CCDC171: variants seen among roughly 807,000 people sequenced by gnomAD.
CCDC171 encodes the protein coiled-coil domain containing 171.
CCDC171 carries 177 observed loss-of-function variants against 168.2 expected under a neutral mutation model. That is an observed-to-expected ratio of 1.05 (90% CI 0.93 to 1.19). The LOEUF (loss-of-function observed/expected upper bound fraction) is 1.19. Among genes scored for constraint, CCDC171 ranks in the 50% most tolerant of loss-of-function variants. The pLI is 0.00. For missense variants in CCDC171, 1,991 were observed against 1,539.0 expected, an observed-to-expected ratio of 1.29 and a Z score of -4.91; for synonymous variants, 687 against 540.8, an observed-to-expected ratio of 1.27 and a Z score of -3.75.
At chr9:15,598,545 T>A (rs1244575472) in intron 6 of CCDC171, among the ~76,000 whole-genome samples, 1 of 152,160 alleles carries the variant, frequency 6.6e-6, no homozygotes, top group Non-Finnish European at 1.5e-5. Context: ...CTTTTACATT[T>A]GCTGAGGAGT....
chr9:15,700,604 C>T (rs1172133910), intron 11 of CCDC171, among the ~76,000 whole-genome samples: 1 of 152,164 alleles, frequency 6.6e-6, no homozygotes, highest in Non-Finnish European at 1.5e-5. Context: ...TGTCACCTCT[C>T]AATATGGTAG....
At chr9:16,096,437 A>G in the CCDC171 span, among the ~76,000 whole-genome samples, 4 of 152,208 alleles carry the variant, frequency 2.6e-5, no homozygotes, top group Non-Finnish European at 5.9e-5. Context: ...TGCTACAGGA[A>G]GCAGAAGATG....
At chr9:15,567,049 C>G (rs986324197) in intron 2 of CCDC171, among the ~76,000 whole-genome samples, 2 of 125,108 alleles carry the variant, frequency 1.6e-5, no homozygotes, top group African/African-American at 5.9e-5. Context: ...TTTTTTGAGG[C>G]AGAGTCTCAC....
chr9:15,567,054 T>G (rs1219571917), intron 2 of CCDC171, among the ~76,000 whole-genome samples: 2 of 143,032 alleles, frequency 1.4e-5, no homozygotes, highest in Non-Finnish European at 3.0e-5. Context: ...TGAGGCAGAG[T>G]CTCACTGTGT....
chr9:15,561,906 T>TA lies in CCDC171; in HGVS notation c.-111-2071dup, dbSNP rs2039332226. On this transcript the variant is annotated intron_variant, in intron 1 of 25. Coordinates refer to ENST00000380701, the MANE Select transcript of CCDC171 (RefSeq NM_173550.4). ...CCCATTTTCCTTCTTACCTGCCTGTTACTCAAGATTTTTTCACCTTAGGTC... is the reference window on the plus strand; with the variant it reads ...CCCATTTTCCTTCTTACCTGCCTGTTAACTCAAGATTTTTTCACCTTAGGTC... Among the ~76,000 whole-genome samples the TA allele has an allele frequency of 5.3e-5, 8 of 152,218 alleles. No homozygotes were observed. The South Asian group carries it at 1.7e-3, about 32-fold the overall frequency.
At chr9:15,927,753 G>T (rs1826051017) in intron 25 of CCDC171, among the ~76,000 whole-genome samples, 1 of 151,562 alleles carries the variant, frequency 6.6e-6, no homozygotes, top group Admixed American at 6.6e-5. Context: ...TTTCTCTTAA[G>T]TTCCAAAATA....
At chr9:15,990,677 A>T (rs1273269493) in intron 3 of CCDC171, among the ~76,000 whole-genome samples, 1 of 152,192 alleles carries the variant, frequency 6.6e-6, no homozygotes, top group Non-Finnish European at 1.5e-5. Context: ...TATTCAGGAC[A>T]CCCATCTTAC....
intron 24 of CCDC171, among the ~76,000 whole-genome samples, chr9:15,882,369 G>A (rs1818761316): frequency 6.6e-6 from 1 of 152,154 alleles, no homozygotes; most frequent in South Asian, 2.1e-4. Context: ...ATTTGCGAGT[G>A]TATTCTCCCA....
rs1588682385 is a variant in CCDC171, at chr9:15,820,371, A to G, written c.3268-26331A>G. ...AGAACTGAAGGAAATAGAGGCACAA[A>G]AAACCCTTCAAAAAATCAATGAATC... On this transcript the variant is annotated intron_variant, in intron 21 of 25. Coordinates refer to ENST00000380701, the MANE Select transcript of CCDC171 (RefSeq NM_173550.4). 2.6e-5 allele frequency among the ~76,000 whole-genome samples: 3 copies of G among 116,052 alleles called. 1 individual carries two copies. In the East Asian group the frequency reaches 6.4e-4, roughly 25 times the overall value. 76.1% of individuals were successfully genotyped at this position (116,052 alleles called of 152,430 possible). A position where few individuals can be genotyped will look rare whatever the true frequency, so the allele number is the denominator to read the frequency against.
chr9:15,785,666 G>A (rs528127874), intron 21 of CCDC171, among the ~76,000 whole-genome samples: 31 of 152,024 alleles, frequency 2.0e-4, no homozygotes, highest in Admixed American at 7.2e-4. Flanking sequence ...GATTATTCCT[G>A]TTTTATAAAT....
chr9:15,867,310 TTTTTGA>T (rs1455235522), intron 23 of CCDC171, among the ~76,000 whole-genome samples: 2 of 152,036 alleles, frequency 1.3e-5, no homozygotes, highest in Non-Finnish European at 2.9e-5. Context: ...TATATAGTTA[TTTTTGA>T]TTTTTAGTTT....
chr9:16,022,216 A>C (rs547061011), intron 4 of CCDC171: 14 of 152,238 alleles, frequency 9.2e-5, no homozygotes, highest in Non-Finnish European at 1.5e-4. Context: ...AATAGTACTC[A>C]TTTGGAATGG....
At chr9:16,082,981 C>G in the CCDC171 span, among the ~76,000 whole-genome samples, 3 of 152,152 alleles carry the variant, frequency 2.0e-5, no homozygotes, top group East Asian at 5.8e-4. Flanking sequence ...CTATTTGTGA[C>G]TAAGTGTGTG....
intron 6 of CCDC171, among the ~76,000 whole-genome samples, chr9:15,598,463 G>A (rs1006225674): frequency 2.0e-4 from 31 of 152,108 alleles, no homozygotes; most frequent in Admixed American, 1.2e-3. Context: ...GCGGTTTTGA[G>A]TGAGTTTCTT....
the CCDC171 span, among the ~76,000 whole-genome samples, chr9:16,094,045 C>T: frequency 6.6e-6 from 1 of 152,170 alleles, no homozygotes; most frequent in Non-Finnish European, 1.5e-5. Flanking sequence ...TGGCTAAGAG[C>T]ATGGACTCAG....
intron 12 of CCDC171, 135 bp downstream of exon 12, chr9:15,722,010 A>T (rs1480850807): frequency 2.7e-6 from 1 of 372,826 alleles, no homozygotes; most frequent in Non-Finnish European, 4.8e-6. Flanking sequence ...ATAATAAATT[A>T]TCTTTCGCTG....
chr9:15,650,730 T>C (rs2047447742), intron 7 of CCDC171, among the ~76,000 whole-genome samples: 1 of 152,242 alleles, frequency 6.6e-6, no homozygotes, highest in Non-Finnish European at 1.5e-5. Context: ...GTTTTAATTT[T>C]GTATTGTTAC....
At chr9:15,851,427 C>G (rs899959331) in intron 23 of CCDC171, among the ~76,000 whole-genome samples, 1 of 36,402 alleles carries the variant, frequency 2.7e-5, no homozygotes, top group Non-Finnish European at 5.4e-5. Context: ...AAAAGACACT[C>G]TTTTGGGGGG....
At chr9:15,846,873 C>T (rs1212524167) in intron 22 of CCDC171, 26 bp downstream of exon 22, 3 of 1,576,440 alleles carry the variant, frequency 1.9e-6, no homozygotes, top group Non-Finnish European at 2.6e-6. Context: ...TTGGGGAGAT[C>T]ACTTAAAACA....
Sources: allele counts gnomAD v4.1 joint callset (sites outside exome capture counted in the v4.1 genomes callset), GRCh38; gene constraint gnomAD v4.1.1; transcripts MANE v1.5; gene names NCBI Gene and HGNC (gene_info 2026-07-23, HGNC 2026-07-21).